The following SGCZ variants were observed in gnomAD, a reference collection of about 807,000 sequenced individuals.
The protein encoded by SGCZ is zeta-sarcoglycan.
SGCZ carries 40 observed loss-of-function variants against 41.3 expected under a neutral mutation model. The observed-to-expected ratio is 0.97, with a 90% CI of 0.75 to 1.26. The LOEUF (loss-of-function observed/expected upper bound fraction) is 1.26, where lower values mean the gene tolerates loss of function less well. Ranked by LOEUF, SGCZ falls within the 50% of genes most tolerant of loss-of-function variation. The pLI, the probability that SGCZ is intolerant of heterozygous loss-of-function variation, is 0.00. For synonymous variants in SGCZ, 206 were observed against 137.5 expected (o/e 1.50, Z -3.49); for missense variants, 552 against 369.8 (o/e 1.49, Z -4.04).
At chr8:14,930,693 G>T (rs1170581529) in intron 1 of SGCZ, among the ~76,000 whole-genome samples, 1 of 151,928 alleles carries the variant, frequency 6.6e-6, no homozygotes, top group Non-Finnish European at 1.5e-5. Flanking sequence ...GCAGGGACAT[G>T]GATGACGCTG....
Position 14,454,132 on chromosome 8 carries a change from T to G in SGCZ, c.234+100600A>C, listed in dbSNP as rs149094861. On this transcript the variant is annotated intron_variant, in intron 2 of 7. Transcript: ENST00000382080. ...CATTTCCTTAAACTCTGGATGGCCT[T>G]AATGCACCTTCAGATATTCTGTGTC... 3.0e-3 allele frequency among the ~76,000 whole-genome samples: 459 copies of G among 152,318 alleles called. 5 individuals are homozygous for G. Among genetic ancestry groups the G allele is most frequent in the African/African-American group, 9.4e-3 (392 of 41,586 alleles).
At chr8:14,858,858 A>G (rs1803629429) in intron 1 of SGCZ, among the ~76,000 whole-genome samples, 1 of 152,166 alleles carries the variant, frequency 6.6e-6, no homozygotes, top group Non-Finnish European at 1.5e-5. Context: ...TATATCAAGT[A>G]TTTGTTGATC....
intron 2 of SGCZ, among the ~76,000 whole-genome samples, chr8:14,528,182 C>T (rs1479422301): frequency 6.6e-6 from 1 of 151,882 alleles, no homozygotes; most frequent in Non-Finnish European, 1.5e-5. Flanking sequence ...AGATTGATAC[C>T]AAATTATTTA....
At chr8:14,107,129 T>G (rs150094203) in intron 6 of SGCZ, among the ~76,000 whole-genome samples, 27,064 of 151,618 alleles carry the variant, frequency 0.18, 3,507 homozygotes, top group East Asian at 0.66. Context: ...GGCAGGAGAA[T>G]GGCGTGAACC....
intron 3 of SGCZ, among the ~76,000 whole-genome samples, chr8:14,304,618 T>A (rs779564992): frequency 6.6e-6 from 1 of 152,158 alleles, no homozygotes; most frequent in African/African-American, 2.4e-5. Context: ...AGTATTTTTA[T>A]AACAGAAAAG....
intron 1 of SGCZ, among the ~76,000 whole-genome samples, chr8:14,707,424 C>T (rs1398059875): frequency 6.6e-6 from 1 of 151,928 alleles, no homozygotes; most frequent in East Asian, 1.9e-4. Context: ...TAAGATTTCC[C>T]AAAACAAGGA....
intron 2 of SGCZ, among the ~76,000 whole-genome samples, chr8:14,504,917 C>A (rs1802260834): frequency 6.6e-6 from 1 of 152,032 alleles, no homozygotes; most frequent in African/African-American, 2.4e-5. Flanking sequence ...CAACATCTAC[C>A]CTTTACCAAT....
At chr8:14,849,552 A>T (rs1803244844) in intron 1 of SGCZ, among the ~76,000 whole-genome samples, 1 of 152,176 alleles carries the variant, frequency 6.6e-6, no homozygotes, top group African/African-American at 2.4e-5. Flanking sequence ...CAGAGAACAT[A>T]TTGTATGATT....
intron 3 of SGCZ, among the ~76,000 whole-genome samples, chr8:14,273,003 A>C (rs945191754): frequency 1.3e-5 from 2 of 152,106 alleles, no homozygotes; most frequent in African/African-American, 4.8e-5. Context: ...GTTACATTTA[A>C]GTAAAACAAA....
At chr8:14,591,772 T>G (rs538355304) in intron 1 of SGCZ, among the ~76,000 whole-genome samples, 8 of 152,290 alleles carry the variant, frequency 5.3e-5, no homozygotes, top group Non-Finnish European at 1.0e-4. Context: ...TCAGCCATTA[T>G]GAAAAGCACT....
intron 1 of SGCZ, among the ~76,000 whole-genome samples, chr8:14,686,101 T>G (rs1808601885): frequency 6.6e-6 from 1 of 152,100 alleles, no homozygotes; most frequent in African/African-American, 2.4e-5. Context: ...TTAACTCACC[T>G]CCTATCCAGG....
intron 3 of SGCZ, among the ~76,000 whole-genome samples, chr8:14,267,611 T>C (rs1799918997): frequency 6.6e-6 from 1 of 152,074 alleles, no homozygotes; most frequent in Non-Finnish European, 1.5e-5. Flanking sequence ...TACGATATTT[T>C]TGTTGTCACT....
At chr8:14,345,161 C>T (rs546630863) in intron 2 of SGCZ, among the ~76,000 whole-genome samples, 3 of 151,992 alleles carry the variant, frequency 2.0e-5, no homozygotes, top group East Asian at 1.9e-4. Flanking sequence ...GTAAAATACC[C>T]GTAAACTTAT....
chr8:14,596,306 G>T (rs1389520537), intron 1 of SGCZ, among the ~76,000 whole-genome samples: 1 of 152,104 alleles, frequency 6.6e-6, no homozygotes, highest in African/African-American at 2.4e-5. Context: ...TAGTATATAG[G>T]ATAATAATAC....
At chr8:14,537,791 C>T (rs563227540) in intron 2 of SGCZ, among the ~76,000 whole-genome samples, 15 of 151,958 alleles carry the variant, frequency 9.9e-5, no homozygotes, top group East Asian at 1.9e-4. Flanking sequence ...TGTTTGTGAA[C>T]GCTAAAGAGC....
intron 4 of SGCZ, among the ~76,000 whole-genome samples, chr8:14,198,264 C>A (rs1805338776): frequency 6.6e-6 from 1 of 152,176 alleles, no homozygotes; most frequent in Non-Finnish European, 1.5e-5. Flanking sequence ...GCAAGTTTTT[C>A]AGTTATTAGA....
chr8:14,524,981 C>T (rs542262868), intron 2 of SGCZ, among the ~76,000 whole-genome samples: 3 of 152,188 alleles, frequency 2.0e-5, no homozygotes, highest in African/African-American at 7.2e-5. Context: ...TCAAGTGTCT[C>T]TTTGCCTCAC....
At chr8:14,538,744 T>C (rs1285514420) in intron 2 of SGCZ, among the ~76,000 whole-genome samples, 1 of 151,884 alleles carries the variant, frequency 6.6e-6, no homozygotes, top group Non-Finnish European at 1.5e-5. Context: ...GAGTTAGGCA[T>C]GAATTAGGTT....
chr8:14,737,102 C>G (rs554386159), intron 1 of SGCZ, among the ~76,000 whole-genome samples: 2 of 144,828 alleles, frequency 1.4e-5, no homozygotes, highest in Admixed American at 1.4e-4. Context: ...TATCTATATA[C>G]CAGATACATA....
Sources: gnomAD v4.1 joint callset for allele counts (sites outside exome capture counted in the v4.1 genomes callset) on GRCh38, gnomAD v4.1.1 for gene constraint, MANE v1.5 for transcripts, NCBI Gene and HGNC (gene_info 2026-07-23, HGNC 2026-07-21) for gene names.